CFAP184: variants seen among roughly 807,000 people sequenced by gnomAD.
CFAP184 encodes the protein cilia and flagella associated protein 184.
chr4:7,042,783 C>A, the CFAP184 span: 1 of 1,546,704 alleles, frequency 6.5e-7, no homozygotes, highest in Admixed American at 1.9e-5. Flanking sequence ...CCGCTTGCTC[C>A]TCCTCCTCCT....
At chr4:7,041,683 T>C in the CFAP184 span, 12 of 1,614,098 alleles carry the variant, frequency 7.4e-6, no homozygotes, top group Admixed American at 3.3e-5. Flanking sequence ...AATTTTCTCA[T>C]TGAAGGTTTG....
At chr4:7,042,899 C>T in the CFAP184 span, 1 of 1,551,912 alleles carries the variant, frequency 6.4e-7, no homozygotes, top group South Asian at 1.2e-5. Context: ...TCTCCGCCTT[C>T]CCCGCCGGGG....
the CFAP184 span, chr4:7,042,507 C>A: frequency 6.2e-7 from 1 of 1,609,010 alleles, no homozygotes. Context: ...TGGTCAGCGG[C>A]AGAGAGGCCT....
the CFAP184 span, chr4:7,041,840 T>C: frequency 1.2e-6 from 2 of 1,610,060 alleles, no homozygotes; most frequent in Non-Finnish European, 1.7e-6. Context: ...TTCTCCTTTT[T>C]ATCCTCCAAC....
chr4:7,041,851 G>A, the CFAP184 span: 33 of 1,609,818 alleles, frequency 2.0e-5, no homozygotes, highest in African/African-American at 3.5e-4. Context: ...ATCCTCCAAC[G>A]CCTGGATCTG....
chr4:7,042,927 G>T, the CFAP184 span: 1 of 1,461,462 alleles, frequency 6.8e-7, no homozygotes, highest in South Asian at 1.4e-5. Flanking sequence ...TGTGCTCAGA[G>T]CTGACGTCCA....
At chr4:7,042,590 G>T in the CFAP184 span, 28 of 1,537,328 alleles carry the variant, frequency 1.8e-5, no homozygotes, top group Admixed American at 5.5e-4. Flanking sequence ...AGTTCCTCGG[G>T]CCCGGCTCCG....
chr4:7,042,217 C>A, the CFAP184 span: 1 of 1,596,386 alleles, frequency 6.3e-7, no homozygotes, highest in Non-Finnish European at 8.5e-7. Context: ...GCGCTGGGAG[C>A]GGTTCCGCTC....
chr4:7,041,792 TC>T, the CFAP184 span: 1 of 1,612,098 alleles, frequency 6.2e-7, no homozygotes, highest in Non-Finnish European at 8.5e-7. Flanking sequence ...AGGCTCTGCT[TC>T]AGCTGAATGT....
chr4:7,042,583 T>A, the CFAP184 span: 2 of 1,547,956 alleles, frequency 1.3e-6, no homozygotes, highest in South Asian at 2.4e-5. Context: ...CGCCTCTAGT[T>A]CCTCGGGCCC....
the CFAP184 span, chr4:7,042,124 C>T: frequency 6.2e-6 from 10 of 1,606,696 alleles, no homozygotes; most frequent in Admixed American, 1.0e-4. Context: ...GGCCTCTGCG[C>T]CCCGGTCAGC....
chr4:7,041,614 A>C, the CFAP184 span: 1 of 1,614,122 alleles, frequency 6.2e-7, no homozygotes, highest in Non-Finnish European at 8.5e-7. Context: ...GTGGGTTATT[A>C]CTTGCACACT....
the CFAP184 span, chr4:7,041,426 C>A: frequency 1.9e-6 from 3 of 1,614,126 alleles, no homozygotes; most frequent in African/African-American, 4.0e-5. Flanking sequence ...AGAAGTGAGT[C>A]CTTGCCTAGA....
chr4:7,041,184 GC>G, the CFAP184 span: 1 of 1,495,560 alleles, frequency 6.7e-7, no homozygotes, highest in Non-Finnish European at 8.9e-7. Context: ...AATGACACAG[GC>G]CTTTTTAATA....
chr4:7,041,395 A>G, the CFAP184 span: 2 of 1,614,216 alleles, frequency 1.2e-6, no homozygotes, highest in East Asian at 2.2e-5. Context: ...GGTCTTGTCC[A>G]CCTTTTCTTC....
chr4:7,042,968 C>G, the CFAP184 span: 7 of 1,398,498 alleles, frequency 5.0e-6, no homozygotes, highest in Non-Finnish European at 6.5e-6. Context: ...CGCAGCGGAC[C>G]CCGGCAGGAC....
the CFAP184 span, chr4:7,042,970 C>G: frequency 4.0e-5 from 56 of 1,397,198 alleles, no homozygotes; most frequent in Admixed American, 1.3e-4. Context: ...CAGCGGACCC[C>G]GGCAGGACGC....
chr4:7,041,371 C>A, the CFAP184 span: 2 of 1,614,238 alleles, frequency 1.2e-6, no homozygotes, highest in East Asian at 4.5e-5. Flanking sequence ...TTCCAGGCGC[C>A]GGTGAAGCAG....
At chr4:7,042,799 G>A in the CFAP184 span, 9 of 1,556,340 alleles carry the variant, frequency 5.8e-6, no homozygotes, top group African/African-American at 2.8e-5. Flanking sequence ...CTCCTCCTCC[G>A]GCTCCGACTC....
Sources: gnomAD v4.1 joint callset for allele counts on GRCh38, gnomAD v4.1.1 for gene constraint, MANE v1.5 for transcripts, NCBI Gene and HGNC (gene_info 2026-07-23, HGNC 2026-07-21) for gene names.